NBAS: variants seen among roughly 807,000 people sequenced by gnomAD.
The protein encoded by NBAS is NAG/BC035112 fusion.
A neutral mutation model predicts 302.5 loss-of-function variants in NBAS; 219 were observed. The observed-to-expected ratio is 0.72, with a 90% confidence interval of 0.65 to 0.81. The LOEUF (loss-of-function observed/expected upper bound fraction) is 0.81. Ranked by LOEUF, NBAS falls within the 30% of genes least tolerant of loss-of-function variation. The probability of loss-of-function intolerance (pLI) is 0.00; values close to 1 mark genes in which losing one functional copy is unlikely to be tolerated. For missense variants in NBAS, 2,932 were observed against 2,841.6 expected (o/e 1.03, Z -0.72); for synonymous variants, 1,118 against 1,021.6 (o/e 1.09, Z -1.80).
the NBAS span, among the ~76,000 whole-genome samples, chr2:14,848,444 T>C: frequency 1.4e-5 from 2 of 142,598 alleles, no homozygotes; most frequent in Non-Finnish European, 3.0e-5. Flanking sequence ...GGAATCTCGC[T>C]GATTGCTAGC....
At chr2:15,473,179 A>G (rs1680029440) in intron 16 of NBAS, 43 bp downstream of exon 16, 1 of 1,603,454 alleles carries the variant, frequency 6.2e-7, no homozygotes, top group South Asian at 1.1e-5. Context: ...AAGATATTAC[A>G]TGAATATACA....
chr2:15,483,729 C>T (rs1680519003), intron 12 of NBAS, among the ~76,000 whole-genome samples: 1 of 152,148 alleles, frequency 6.6e-6, no homozygotes, highest in Admixed American at 6.5e-5. Context: ...AGAAAATACT[C>T]AATCACACAA....
chr2:14,971,259 G>A, the NBAS span, among the ~76,000 whole-genome samples: 3 of 152,160 alleles, frequency 2.0e-5, no homozygotes, highest in Non-Finnish European at 4.4e-5. Flanking sequence ...GCTCATGCCT[G>A]TAATCACATC....
At chr2:15,025,710 A>G in the NBAS span, among the ~76,000 whole-genome samples, 1 of 150,786 alleles carries the variant, frequency 6.6e-6, no homozygotes, top group South Asian at 2.1e-4. Flanking sequence ...CAGGTATTTT[A>G]CTCATTTTGT....
chr2:14,953,483 G>A, the NBAS span, among the ~76,000 whole-genome samples: 5 of 152,360 alleles, frequency 3.3e-5, no homozygotes, highest in African/African-American at 1.2e-4. Context: ...AGTCACCCAA[G>A]GTGTCAACTG....
the NBAS span, among the ~76,000 whole-genome samples, chr2:14,786,157 T>A: frequency 6.6e-6 from 1 of 152,094 alleles, no homozygotes; most frequent in South Asian, 2.1e-4. Flanking sequence ...TCTGTGGGAT[T>A]GGTGGTGATA....
the NBAS span, among the ~76,000 whole-genome samples, chr2:15,094,033 T>A: frequency 1.6e-3 from 244 of 152,318 alleles, 3 homozygotes; most frequent in African/African-American, 5.1e-3. Context: ...GTATTCATTG[T>A]TAATAATAGT....
In NBAS at chr2:15,376,784, G is replaced by A. The variant is rs560654476; in HGVS notation, c.3591-2064C>T. Among the ~76,000 whole-genome samples, 19 of 152,134 alleles carry A rather than the reference G, an allele frequency of 1.2e-4. No individual in the cohort carries two copies. The South Asian group carries it at 4.0e-3, about 32-fold the overall frequency. ...TACTTTAATCATTAAGAATGTATGGGTTATTCTCTACATTCAACATAACTG... is the reference window on the plus strand; with the variant it reads ...TACTTTAATCATTAAGAATGTATGGATTATTCTCTACATTCAACATAACTG... On this transcript the variant is annotated intron_variant, in intron 30 of 51. Coordinates refer to ENST00000281513, the MANE Select transcript of NBAS (RefSeq NM_015909.4).
In NBAS at chr2:15,308,225, A is replaced by G; in HGVS notation, c.4788T>C (p.Pro1596=). ...LAPCFRDKCH[P]LYRADPKELI... is the part of the protein sequence containing the mutation. Reference sequence around the variant, plus strand: ...AATCATGAAGACTCACCCTGTAAAGAGGATGGCACTTGTCCCTGAAACATG... The same window carrying G: ...AATCATGAAGACTCACCCTGTAAAGGGGATGGCACTTGTCCCTGAAACATG... Residue 1596 remains proline, a synonymous_variant, in exon 40 of 52, where the codon CCT becomes CCC. Coordinates refer to ENST00000281513, the MANE Select transcript of NBAS (RefSeq NM_015909.4). 1 of 1,614,192 alleles carries G rather than the reference A, an allele frequency of 6.2e-7. No individual in the cohort carries two copies. Among genetic ancestry groups the G allele is most frequent in the Non-Finnish European group, 8.5e-7 (1 of 1,180,018 alleles).
At chr2:14,807,673 G>A in the NBAS span, among the ~76,000 whole-genome samples, 4 of 152,044 alleles carry the variant, frequency 2.6e-5, no homozygotes, top group Admixed American at 2.6e-4. Flanking sequence ...AAAACTTAAA[G>A]CTTAAAAATG....
At chr2:15,479,448 T>C (rs1017668588) in intron 12 of NBAS, among the ~76,000 whole-genome samples, 1 of 152,190 alleles carries the variant, frequency 6.6e-6, no homozygotes, top group African/African-American at 2.4e-5. Flanking sequence ...ACCACATGCA[T>C]GCCACCATGT....
chr2:15,556,342 A>C (rs1453657271), intron 3 of NBAS, among the ~76,000 whole-genome samples: 1 of 152,218 alleles, frequency 6.6e-6, no homozygotes, highest in African/African-American at 2.4e-5. Context: ...AATTAGCATC[A>C]TCCCTGCAAA....
chr2:15,518,683 T>C (rs556987987), intron 9 of NBAS, among the ~76,000 whole-genome samples: 2 of 152,262 alleles, frequency 1.3e-5, no homozygotes, highest in South Asian at 2.1e-4. Context: ...TATTAGTCCA[T>C]TTTCACGCTG....
At chr2:14,872,680 C>T in the NBAS span, among the ~76,000 whole-genome samples, 169 of 152,184 alleles carry the variant, frequency 1.1e-3, no homozygotes, top group African/African-American at 3.9e-3. Context: ...GTTCATTCCT[C>T]CGGGTGAGTT....
At chr2:14,792,723 C>A in the NBAS span, among the ~76,000 whole-genome samples, 1 of 150,730 alleles carries the variant, frequency 6.6e-6, no homozygotes, top group Non-Finnish European at 1.5e-5. Context: ...ACATAATAGA[C>A]AAAATGTTCA....
At chr2:14,831,337 T>C in the NBAS span, among the ~76,000 whole-genome samples, 1,078 of 152,264 alleles carry the variant, frequency 7.1e-3, 21 homozygotes, top group African/African-American at 0.024. Flanking sequence ...CTATAATTTA[T>C]TACTCATTCG....
At chr2:14,847,382 T>TAAAAAAAAA in the NBAS span, among the ~76,000 whole-genome samples, 1 of 53,168 alleles carries the variant, frequency 1.9e-5, no homozygotes, top group African/African-American at 6.7e-5. Flanking sequence ...GACTCTATCT[T>TAAAAAAAAA]AAAAAAAAAA....
intron 2 of NBAS, 125 bp from the exon 3 acceptor site, chr2:15,556,944 T>G: frequency 1.3e-6 from 1 of 752,872 alleles, no homozygotes; most frequent in East Asian, 2.6e-5. Context: ...AATAAAGAAC[T>G]CAAGTCTTAA....
intron 44 of NBAS, among the ~76,000 whole-genome samples, chr2:15,244,872 C>T (rs970577155): frequency 6.6e-6 from 1 of 152,134 alleles, no homozygotes; most frequent in Non-Finnish European, 1.5e-5. Flanking sequence ...TCTCAACCCC[C>T]TTGTAGTTAG....
Sources: gnomAD v4.1 joint callset for allele counts (sites outside exome capture counted in the v4.1 genomes callset) on GRCh38, gnomAD v4.1.1 for gene constraint, MANE v1.5 for transcripts, NCBI Gene and HGNC (gene_info 2026-07-23, HGNC 2026-07-21) for gene names.